PTRH1: variants seen among roughly 807,000 people sequenced by gnomAD.
PTRH1 encodes peptidyl-tRNA hydrolase 1 homolog, also known as peptidyl-tRNA hydrolase.
In PTRH1, 13 loss-of-function variants were observed where a neutral mutation model predicts 15.7. The ratio of observed to expected loss-of-function variants is 0.83; its 90% CI spans 0.54 to 1.31. The LOEUF (loss-of-function observed/expected upper bound fraction) is 1.31. Among genes scored for constraint, PTRH1 ranks in the 40% most tolerant of loss-of-function variants. PTRH1 has a pLI of 0.00. For missense variants in PTRH1, 319 were observed against 296.2 expected, an observed-to-expected ratio of 1.08 and a Z score of -0.56; for synonymous variants, 139 against 136.7, an observed-to-expected ratio of 1.02 and a Z score of -0.12.
chr9:127,704,729 C>T (rs974469878), intron 1 of PTRH1, among the ~76,000 whole-genome samples: 5 of 152,044 alleles, frequency 3.3e-5, no homozygotes, highest in African/African-American at 1.2e-4. Context: ...CCATCACTGA[C>T]CTTGTTGGAG....
chr9:127,709,001 C>T (rs1842705662), downstream of PTRH1, among the ~76,000 whole-genome samples: 1 of 152,240 alleles, frequency 6.6e-6, no homozygotes, highest in African/African-American at 2.4e-5. This position sits in a 1 kb window ranked among gnomAD's most constrained non-coding sequence, Gnocchi z 4.7. Flanking sequence ...GGCTGTGCCA[C>T]TTACAAACTC....
chr9:127,713,299 G>T, downstream of PTRH1: 1 of 977,102 alleles, frequency 1.0e-6, no homozygotes. Context: ...GTGGCCCTGG[G>T]GATGTAACCA....
chr9:127,711,144 G>A, downstream of PTRH1: 4 of 1,515,584 alleles, frequency 2.6e-6, no homozygotes, highest in Non-Finnish European at 2.7e-6. Context: ...AACAGCCCTA[G>A]GTGCTCTGGG....
At chr9:127,712,762 C>T, downstream of PTRH1, 2 of 1,614,198 alleles carry the variant, frequency 1.2e-6, no homozygotes, top group Non-Finnish European at 1.7e-6. Context: ...AGCCATGGCA[C>T]AAGGAGATGC....
In PTRH1 at chr9:127,705,496, G is replaced by A. The variant is rs536306566; in HGVS notation, c.205+9939C>T. On this transcript the variant is annotated intron_variant, in intron 1 of 2. Coordinates refer to the PTRH1 transcript ENST00000335223. The surrounding 1 kb of genome is among the most constrained non-coding windows in gnomAD (Gnocchi z 4.7). ...CCATCCTGGTGCTGATGAAGGCGAG[G>A]AGGGCAGGTCTCCAAGCTGACACCC... 6.6e-6 allele frequency among the ~76,000 whole-genome samples: 1 copy of A among 152,368 alleles called. No individual in the cohort carries two copies. Among genetic ancestry groups the A allele is most frequent in the Non-Finnish European group, 1.5e-5 (1 of 68,036 alleles).
chr9:127,703,055 T>A (rs951451518), intron 1 of PTRH1, among the ~76,000 whole-genome samples: 6 of 152,070 alleles, frequency 3.9e-5, no homozygotes. Context: ...CCACTTTTTG[T>A]TCTGTTTCTG....
chr9:127,704,002 C>T (rs538072110), intron 1 of PTRH1, among the ~76,000 whole-genome samples: 5 of 152,228 alleles, frequency 3.3e-5, no homozygotes, highest in South Asian at 2.1e-4. Context: ...CCTCCCAGGG[C>T]GAAATGAAGA....
intron 1 of PTRH1, among the ~76,000 whole-genome samples, chr9:127,708,505 TA>T (rs922349397): frequency 1.1e-4 from 16 of 152,068 alleles, no homozygotes; most frequent in East Asian, 1.9e-4. Context: ...TTAATTTAAT[TA>T]AAAAAAACTT....
downstream of PTRH1, chr9:127,713,328 C>T (rs1842812823): frequency 1.3e-6 from 1 of 767,916 alleles, no homozygotes; most frequent in African/African-American, 1.8e-5. Flanking sequence ...TGAGCCTTCC[C>T]ATCTGTAAAA....
chr9:127,712,588 TGGG>T, downstream of PTRH1: 1 of 1,575,952 alleles, frequency 6.3e-7, no homozygotes, highest in Non-Finnish European at 8.6e-7. Context: ...GACTGAAGAA[TGGG>T]TATCCCACCA....
chr9:127,708,563 G>A (rs1241254201), intron 1 of PTRH1, among the ~76,000 whole-genome samples: 1 of 152,218 alleles, frequency 6.6e-6, no homozygotes, highest in Non-Finnish European at 1.5e-5. Context: ...AATTGGTTAT[G>A]TGATACTGAT....
downstream of PTRH1, chr9:127,712,650 G>A (rs1203739449): frequency 6.2e-7 from 1 of 1,613,318 alleles, no homozygotes; most frequent in South Asian, 1.1e-5. Flanking sequence ...GGAATTTCCT[G>A]GACGAGGGTG....
chr9:127,707,941 G>A (rs1655416489), intron 1 of PTRH1, among the ~76,000 whole-genome samples: 1 of 152,100 alleles, frequency 6.6e-6, no homozygotes, highest in South Asian at 2.1e-4. Context: ...GCAGGCCATG[G>A]GCTGGTGCTC....
At chr9:127,712,852 G>A (rs1315627186), downstream of PTRH1, 3 of 1,612,598 alleles carry the variant, frequency 1.9e-6, no homozygotes, top group African/African-American at 2.7e-5. Flanking sequence ...AGGAGTCACA[G>A]TCCCATGGCC....
Position 127,695,110 on chromosome 9 carries a change from C to A in PTRH1, c.237G>T (p.Gln79His), listed in dbSNP as rs536838736. Residue 79 changes from glutamine to histidine, a missense_variant, in exon 2 of 3, where the codon CAG becomes CAT. By Grantham distance (24) the Gln-to-His change is conservative. Transcript: ENST00000335223. ...GATGATGATGGTGATGATGATGATG[C>A]TGCTGCTGTTGACGATGAGTCCAAG... The A allele has an allele frequency of 2.3e-4, 161 of 695,946 alleles. 2 individuals carry two copies. The highest frequency in any genetic ancestry group is 1.4e-3 in the South Asian group (92 of 66,172). 43.1% of individuals were successfully genotyped at this position (695,946 alleles called of 1,614,324 possible). A position where few individuals can be genotyped will look rare whatever the true frequency, so the allele number is the denominator to read the frequency against.
Position 127,715,521 on chromosome 9 carries a change from C to T in PTRH1, c.96+23G>A, listed in dbSNP as rs371898276. On this transcript the variant is annotated intron_variant, in intron 1 of 4. Coordinates refer to ENST00000543175, the MANE Select transcript of PTRH1 (RefSeq NM_001002913.3). The surrounding 1 kb of genome is among the most constrained non-coding windows in gnomAD (Gnocchi z 5.8). ...TGAAGCTAGGGACCGGGAGCCCCTA[C>T]GTCGCCGCCCCACGCCACTCACCAT... 6.2e-7 allele frequency: 1 copy of T among 1,613,162 alleles called. No individual in the cohort carries two copies. Among genetic ancestry groups the T allele is most frequent in the African/African-American group, 1.3e-5 (1 of 75,048 alleles).
chr9:127,708,275 G>A (rs187001926), intron 1 of PTRH1, among the ~76,000 whole-genome samples: 8 of 152,256 alleles, frequency 5.3e-5, no homozygotes, highest in East Asian at 1.9e-4. Context: ...TCAGGAGTTC[G>A]AGACCAGCCT....
intron 1 of PTRH1, among the ~76,000 whole-genome samples, chr9:127,702,922 T>C (rs1842615172): frequency 6.6e-6 from 1 of 151,074 alleles, no homozygotes; most frequent in Non-Finnish European, 1.5e-5. Flanking sequence ...GGTTTTGCCA[T>C]GTTGGCCAGG....
chr9:127,696,657 C>T (rs1473726699), intron 1 of PTRH1, among the ~76,000 whole-genome samples: 5 of 152,084 alleles, frequency 3.3e-5, no homozygotes, highest in African/African-American at 4.8e-5. Context: ...GTCAGGAGTT[C>T]GAAACCAGCC....
Sources: allele counts gnomAD v4.1 joint callset (sites outside exome capture counted in the v4.1 genomes callset), GRCh38; gene constraint gnomAD v4.1.1; non-coding constraint Gnocchi (gnomAD v3.1); transcripts MANE v1.5; gene names NCBI Gene and HGNC (gene_info 2026-07-23, HGNC 2026-07-21).